The following FBN3 variants were observed in gnomAD, a reference collection of about 807,000 sequenced individuals.
FBN3 encodes the protein fibrillin-3.
A neutral mutation model predicts 330.1 loss-of-function variants in FBN3; 234 were observed. The observed-to-expected ratio is 0.71, with a 90% CI of 0.64 to 0.79. The LOEUF is 0.79. Among genes scored for constraint, FBN3 ranks in the 30% least tolerant of loss-of-function variants. The probability of loss-of-function intolerance (pLI) is 0.00; values close to 1 mark genes in which losing one functional copy is unlikely to be tolerated. For synonymous variants in FBN3, 1,458 were observed against 1,517.3 expected, an observed-to-expected ratio of 0.96 and a Z score of 0.91; for missense variants, 3,606 against 3,886.9, an observed-to-expected ratio of 0.93 and a Z score of 1.92.
Position 8,090,265 on chromosome 19 carries a change from G to C in FBN3, c.6032-14C>G, listed in dbSNP as rs1378434511. 1 of 1,613,494 alleles carries C rather than the reference G, an allele frequency of 6.2e-7. No homozygotes were observed. The highest frequency in any genetic ancestry group is 1.3e-5 in the African/African-American group (1 of 75,000). The stretch of plus-strand genomic sequence containing the variant: ...TCTGCCGTGTGTCTGTGGGGTGGGG[G>C]CTCCATTACCCTGATTGAAAGCCGC... On this transcript the variant is annotated splice_polypyrimidine_tract_variant and intron_variant, in intron 48 of 63. Coordinates refer to ENST00000600128, the MANE Select transcript of FBN3 (RefSeq NM_032447.5).
chr19:8,135,936 G>GGCACACCCCCCC, intron 13 of FBN3, 25 bp downstream of exon 13: 1 of 668,778 alleles, frequency 1.5e-6, no homozygotes, highest in Non-Finnish European at 2.4e-6. Flanking sequence ...GGAAGCCCCT[G>GGCACACCCCCCC]CCCACCCGCC....
chr19:8,087,002 G>T, intron 54 of FBN3, 75 bp downstream of exon 54: 1 of 1,525,538 alleles, frequency 6.6e-7, no homozygotes, highest in Non-Finnish European at 8.7e-7. Context: ...CACCGTGCCC[G>T]GTCCAACCCT....
chr19:8,102,983 T>A, intron 39 of FBN3, 110 bp from the exon 40 acceptor site: 1 of 1,205,906 alleles, frequency 8.3e-7, no homozygotes, highest in Non-Finnish European at 1.2e-6. Flanking sequence ...GATTACTGGC[T>A]TGTCCAGGCA....
chr19:8,085,759 T>C (rs768465156), intron 55 of FBN3, among the ~76,000 whole-genome samples, 190 bp from the exon 56 acceptor site: 1 of 151,798 alleles, frequency 6.6e-6, no homozygotes, highest in Admixed American at 6.6e-5. Flanking sequence ...AAGTGGGAGA[T>C]CTGGGGAAGG....
rs2082531780 is a variant in FBN3, at chr19:8,109,644, T to C, written c.4443A>G (p.Gly1481=). The part of the protein sequence containing the change: ...CPQDFELNPS[G]VGCVDTRAGN... Reference sequence around the variant, plus strand: ...GCATGGACTCACCCACGCAGCCCACTCCGCTGGGGTTCAGCTCAAAATCCT... The same window carrying C: ...GCATGGACTCACCCACGCAGCCCACCCCGCTGGGGTTCAGCTCAAAATCCT... The change falls in exon 35 of 64, where the codon GGA becomes GGG. Residue 1481 remains glycine, a synonymous_variant. Transcript: ENST00000600128. This position sits in a 1 kb window ranked among gnomAD's most constrained non-coding sequence, Gnocchi z 5.2. 4.4e-6 allele frequency: 7 copies of C among 1,592,458 alleles called. No individual in the cohort carries two copies. The highest frequency in any genetic ancestry group is 6.0e-6 in the Non-Finnish European group (7 of 1,169,226).
intron 61 of FBN3, among the ~76,000 whole-genome samples, chr19:8,074,132 G>C (rs940944042): frequency 6.6e-6 from 1 of 152,152 alleles, no homozygotes; most frequent in Non-Finnish European, 1.5e-5. Context: ...TTCTGCATCT[G>C]AGCTCAGGGC....
chr19:8,112,015 C>A lies in FBN3; in HGVS notation c.3923G>T (p.Cys1308Phe). The A allele has an allele frequency of 6.2e-7, 1 of 1,611,934 alleles. No individual in the cohort carries two copies. The highest frequency in any genetic ancestry group is 8.5e-7 in the Non-Finnish European group (1 of 1,179,054). Residue 1308 changes from cysteine (C) to phenylalanine (F), a missense_variant, in exon 31 of 64, where the codon TGC becomes TTC. Coordinates refer to ENST00000600128, the MANE Select transcript of FBN3 (RefSeq NM_032447.5). Reference sequence around the variant, plus strand: ...GCCATCCCCCACCCAGCCTGGCAGGCACCTACAGCTGAAACTCCCCGGGAT... The same window carrying A: ...GCCATCCCCCACCCAGCCTGGCAGGAACCTACAGCTGAAACTCCCCGGGAT... ...LNIPGSFSCRCLPGWVGDGFE... is the reference protein window; with the variant it reads ...LNIPGSFSCRFLPGWVGDGFE...
intron 38 of FBN3, among the ~76,000 whole-genome samples, chr19:8,104,927 C>A (rs2082405744): frequency 6.7e-6 from 1 of 148,880 alleles, no homozygotes; most frequent in African/African-American, 2.5e-5. Flanking sequence ...TCTTTCTTCT[C>A]TTTCTTTCTC....
intron 63 of FBN3, among the ~76,000 whole-genome samples, chr19:8,066,754 C>A (rs2081400712): frequency 6.6e-6 from 1 of 152,178 alleles, no homozygotes; most frequent in South Asian, 2.1e-4. Flanking sequence ...TGGCGGGCGC[C>A]TGTAGTCCCA....
chr19:8,109,479 AGGACAACCACTCTT>A lies in FBN3; in HGVS notation c.4457-105_4457-92del, dbSNP rs1284978669. On this transcript the variant is annotated intron_variant, in intron 35 of 63. Transcript: ENST00000600128. The surrounding 1 kb of genome is among the most constrained non-coding windows in gnomAD (Gnocchi z 5.2). ...CATGTGTCTATTTCAACAGGTGACA[AGGACAACCACTCTT>A]GCAGGAGACCAGCAGATGTCCCGTT... 6 of 1,546,610 alleles carry A rather than the reference AGGACAACCACTCTT, an allele frequency of 3.9e-6. No individual in the cohort carries two copies.
At chr19:8,080,227 G>C (rs1206822311) in intron 59 of FBN3, among the ~76,000 whole-genome samples, 1 of 152,240 alleles carries the variant, frequency 6.6e-6, no homozygotes, top group Non-Finnish European at 1.5e-5. Context: ...GTACACAGTA[G>C]GTGCTGTCTG....
At chr19:8,069,139 G>C (rs976285039) in intron 63 of FBN3, among the ~76,000 whole-genome samples, 1 of 152,164 alleles carries the variant, frequency 6.6e-6, no homozygotes. Flanking sequence ...GGGCTGGAGA[G>C]GAGAGCGTAA....
Position 8,115,583 on chromosome 19 carries a change from G to A in FBN3, c.3770C>T (p.Thr1257Met), listed in dbSNP as rs367838272. 1.3e-4 allele frequency: 208 copies of A among 1,613,936 alleles called. No homozygotes were observed. The highest frequency in any genetic ancestry group is 1.6e-4 in the Middle Eastern group (1 of 6,084). The change falls in exon 30 of 64, where the codon ACG (threonine) becomes ATG (methionine). Residue 1257 changes from threonine to methionine, a missense_variant. Coordinates refer to ENST00000600128, the MANE Select transcript of FBN3 (RefSeq NM_032447.5). ...HICLHGDCEN[T>M]KGSFVCHCQL... ...ACAGTGGCAGACAAAGGAACCCTTC[G>A]TGTTCTCGCAGTCCCCATGGAGGCA...
intron 33 of FBN3, 29 bp downstream of exon 33, chr19:8,111,029 G>A: frequency 6.2e-7 from 1 of 1,613,784 alleles, no homozygotes; most frequent in Non-Finnish European, 8.5e-7. Context: ...TACCCACTCT[G>A]TCCTCTGCCC....
At chr19:8,110,427 T>G (rs912092339) in intron 34 of FBN3, among the ~76,000 whole-genome samples, 2 of 152,164 alleles carry the variant, frequency 1.3e-5, no homozygotes, top group East Asian at 3.8e-4. Context: ...TCAAATCCGG[T>G]CCACCACCTG....
intron 22 of FBN3, 117 bp from the exon 23 acceptor site, chr19:8,124,125 G>C (rs1338269860): frequency 2.4e-6 from 2 of 838,388 alleles, no homozygotes; most frequent in African/African-American, 3.4e-5. Context: ...TCAGGTCGAG[G>C]GCCAGAGTGG....
At chr19:8,066,308 T>G (rs772613552) in intron 63 of FBN3, 48 bp from the exon 64 acceptor site, 10 of 1,389,046 alleles carry the variant, frequency 7.2e-6, no homozygotes, top group Non-Finnish European at 9.7e-6. Flanking sequence ...AGAATCGGGA[T>G]GTGGTGTGGG....
At chr19:8,083,393 A>G in intron 56 of FBN3, 21 bp from the exon 57 acceptor site, 4 of 1,613,414 alleles carry the variant, frequency 2.5e-6, no homozygotes, top group Non-Finnish European at 3.4e-6. Context: ...GTAGGGTGCA[A>G]ATGGGGCTGG....
In FBN3 at chr19:8,089,608, C is replaced by T. The variant is rs1328355068; in HGVS notation, c.6313G>A (p.Gly2105Arg). ...AAGGGACACTCACAGCGGAAGGATC[C>T]ATCGGTGTTGACACAGACGCCGTTA... ...CTNGVCVNTD[G>R]SFRCECPFGY... Residue 2105 changes from glycine to arginine, a missense_variant, in exon 51 of 64, where the codon GGA becomes AGA. By Grantham distance (125) the Gly-to-Arg change is moderately radical. Transcript: ENST00000600128. 6.2e-7 allele frequency: 1 copy of T among 1,614,218 alleles called. No homozygotes were observed. Among genetic ancestry groups the T allele is most frequent in the African/African-American group, 1.3e-5 (1 of 75,056 alleles).
Sources: gnomAD v4.1 joint callset for allele counts (sites outside exome capture counted in the v4.1 genomes callset) on GRCh38, gnomAD v4.1.1 for gene constraint, Gnocchi (gnomAD v3.1) non-coding constraint, MANE v1.5 for transcripts, NCBI Gene and HGNC (gene_info 2026-07-23, HGNC 2026-07-21) for gene names.